PTPRT: variants seen among roughly 807,000 people sequenced by gnomAD.
The protein encoded by PTPRT is protein tyrosine phosphatase receptor type T.
Under a neutral mutation model 176.8 loss-of-function variants are expected in PTPRT, and 56 were observed. The observed-to-expected ratio is 0.32, with a 90% CI of 0.26 to 0.40. The LOEUF (loss-of-function observed/expected upper bound fraction) is 0.40, where lower values mean the gene tolerates loss of function less well. PTPRT is among the 10% of genes least tolerant of loss of function. The pLI is 1.00. For missense variants in PTPRT, 1,540 were observed against 1,908.2 expected (o/e 0.81, Z 3.60); for synonymous variants, 783 against 739.0 (o/e 1.06, Z -0.96).
chr20:42,376,035 T>A (rs1157595111), intron 9 of PTPRT, among the ~76,000 whole-genome samples: 2 of 152,130 alleles, frequency 1.3e-5, no homozygotes, highest in Non-Finnish European at 2.9e-5. Context: ...CTCTACAAAT[T>A]AAAATAGTTC....
chr20:42,949,171 C>A (rs1206728987), intron 1 of PTPRT, among the ~76,000 whole-genome samples: 1 of 152,236 alleles, frequency 6.6e-6, no homozygotes, highest in Non-Finnish European at 1.5e-5. Context: ...CCTCCCTGGA[C>A]ATGCAAGTCA....
chr20:42,765,589 G>A (rs911186389), intron 5 of PTPRT, among the ~76,000 whole-genome samples: 6 of 151,906 alleles, frequency 3.9e-5, no homozygotes, highest in Admixed American at 6.6e-5. Context: ...AAAGAATAGC[G>A]ATGAAAATAA....
rs1299391740 is a variant in PTPRT, at chr20:42,446,615, T to A, written c.1560+1605A>T. Among the ~76,000 whole-genome samples, 871 of 148,186 alleles carry A rather than the reference T, an allele frequency of 5.9e-3. 6 individuals are homozygous for A. The highest frequency in any genetic ancestry group is 0.024 in the Middle Eastern group (7 of 290). ...GTGTGTGTGTGTGTGTGTGTGTGTG[T>A]GTGTGTGAGAGAGAGAGAGAGATTG... On this transcript the variant is annotated intron_variant, in intron 9 of 30. Coordinates refer to ENST00000373187, the MANE Select transcript of PTPRT (RefSeq NM_007050.6).
intron 2 of PTPRT, among the ~76,000 whole-genome samples, chr20:42,879,985 G>A (rs1037153738): frequency 4.6e-5 from 7 of 152,090 alleles, no homozygotes; most frequent in African/African-American, 1.7e-4. Flanking sequence ...GGAAGGACTG[G>A]GCCAAGAAGG....
intron 7 of PTPRT, among the ~76,000 whole-genome samples, chr20:42,649,511 C>T (rs950968863): frequency 6.6e-5 from 10 of 152,164 alleles, no homozygotes; most frequent in Non-Finnish European, 1.3e-4. Flanking sequence ...CAGAATCATA[C>T]ACTCCATGTT....
chr20:42,555,559 C>G (rs2072846502), intron 7 of PTPRT, among the ~76,000 whole-genome samples: 1 of 152,126 alleles, frequency 6.6e-6, no homozygotes, highest in South Asian at 2.1e-4. Flanking sequence ...TGTTCAATAT[C>G]CATTATTTCT....
intron 1 of PTPRT, among the ~76,000 whole-genome samples, chr20:42,917,035 C>T (rs1978813000): frequency 6.6e-6 from 1 of 152,118 alleles, no homozygotes; most frequent in Non-Finnish European, 1.5e-5. Context: ...AAGTCCTTGC[C>T]CATGCCTATA....
At chr20:42,263,618 A>G (rs1421806209) in intron 13 of PTPRT, among the ~76,000 whole-genome samples, 1 of 149,966 alleles carries the variant, frequency 6.7e-6, no homozygotes, top group South Asian at 2.1e-4. Flanking sequence ...TGACCTCATG[A>G]TCCGCCCACC....
intron 1 of PTPRT, among the ~76,000 whole-genome samples, chr20:43,158,449 C>T (rs2014588099): frequency 6.6e-6 from 1 of 152,202 alleles, no homozygotes; most frequent in Non-Finnish European, 1.5e-5. Flanking sequence ...ATTCGGGAGT[C>T]ATTAGCATGG....
At chr20:43,132,531 C>T (rs1275199879) in intron 1 of PTPRT, among the ~76,000 whole-genome samples, 1 of 152,046 alleles carries the variant, frequency 6.6e-6, no homozygotes, top group Admixed American at 6.5e-5. Context: ...AGACGTAATC[C>T]CAATCAAAAG....
At chr20:42,392,257 T>C (rs2058807131) in intron 9 of PTPRT, among the ~76,000 whole-genome samples, 1 of 152,222 alleles carries the variant, frequency 6.6e-6, no homozygotes, top group Middle Eastern at 3.2e-3. Flanking sequence ...GAAATGTCTT[T>C]GTTTCCTCCC....
chr20:43,186,157 C>T (rs867606825), intron 1 of PTPRT, among the ~76,000 whole-genome samples: 6 of 152,172 alleles, frequency 3.9e-5, no homozygotes, highest in South Asian at 2.1e-4. Flanking sequence ...CAAAGTCCAG[C>T]GAGACAGCTA....
chr20:42,814,666 T>C (rs540693949), intron 2 of PTPRT, among the ~76,000 whole-genome samples: 4 of 152,232 alleles, frequency 2.6e-5, no homozygotes, highest in Non-Finnish European at 5.9e-5. Context: ...TTTAGTGCCA[T>C]GTTTCATCAG....
intron 14 of PTPRT, among the ~76,000 whole-genome samples, chr20:42,246,824 A>G (rs1271445756): frequency 6.6e-6 from 1 of 151,792 alleles, no homozygotes; most frequent in Non-Finnish European, 1.5e-5. Context: ...ACAATCCCAA[A>G]CTCACCTCTG....
At chr20:43,144,385 C>T (rs1422555138) in intron 1 of PTPRT, among the ~76,000 whole-genome samples, 2 of 152,156 alleles carry the variant, frequency 1.3e-5, no homozygotes, top group Non-Finnish European at 2.9e-5. Flanking sequence ...AATCACCTTC[C>T]TATTCATTCT....
At chr20:42,972,302 G>T (rs1023380092) in intron 1 of PTPRT, among the ~76,000 whole-genome samples, 3 of 151,400 alleles carry the variant, frequency 2.0e-5, no homozygotes, top group Non-Finnish European at 4.4e-5. Context: ...CTAGAGAAGA[G>T]AAAGTCAAAG....
intron 1 of PTPRT, among the ~76,000 whole-genome samples, chr20:42,962,263 C>A (rs1982027316): frequency 6.6e-6 from 1 of 152,122 alleles, no homozygotes; most frequent in Non-Finnish European, 1.5e-5. Flanking sequence ...TAATGTTGAA[C>A]AACATAATAA....
At chr20:42,898,550 C>T (rs1202693522) in intron 1 of PTPRT, among the ~76,000 whole-genome samples, 1 of 152,102 alleles carries the variant, frequency 6.6e-6, no homozygotes, top group Non-Finnish European at 1.5e-5. Flanking sequence ...CAATTATGTC[C>T]TCCCTTCATG....
intron 8 of PTPRT, among the ~76,000 whole-genome samples, chr20:42,450,069 G>T (rs1208980365): frequency 4.6e-5 from 7 of 152,142 alleles, no homozygotes; most frequent in Non-Finnish European, 1.0e-4. Context: ...TTTCTCTGGG[G>T]CCATGCATTT....
Sources: gnomAD v4.1 joint callset for allele counts (sites outside exome capture counted in the v4.1 genomes callset) on GRCh38, gnomAD v4.1.1 for gene constraint, MANE v1.5 for transcripts, NCBI Gene and HGNC (gene_info 2026-07-23, HGNC 2026-07-21) for gene names.